MEMO1: variants seen among roughly 807,000 people sequenced by gnomAD.
MEMO1 encodes the protein mediator of cell motility 1.
MEMO1 carries 6 observed loss-of-function variants against 45.2 expected under a neutral mutation model. The observed-to-expected ratio is 0.13, with a 90% CI of 0.07 to 0.26. The LOEUF (loss-of-function observed/expected upper bound fraction) is 0.26. Ranked by LOEUF, MEMO1 falls within the 10% of genes least tolerant of loss-of-function variation. The probability of loss-of-function intolerance (pLI) is 1.00; values close to 1 mark genes in which losing one functional copy is unlikely to be tolerated. For missense variants in MEMO1, 184 were observed against 370.5 expected (o/e 0.50, Z 4.13); for synonymous variants, 78 against 124.3 (o/e 0.63, Z 2.48).
rs1673149185 is a variant in MEMO1 at position 31,868,279 on chromosome 2, A to G, written c.*82T>C. On this transcript the variant is annotated 3_prime_UTR_variant, in exon 10 of 10. Coordinates refer to ENST00000404530, the MANE Select transcript of MEMO1 (RefSeq NM_001301833.4). ...GGTTTCAGAATCCCCCCAAACCAGG[A>G]CCAGTATCGTGGTAAAGGCTAGGCT... The G allele has an allele frequency of 1.5e-6, 2 of 1,333,280 alleles. No homozygotes were observed. Among genetic ancestry groups the G allele is most frequent in the Non-Finnish European group, 1.9e-6 (2 of 1,034,312 alleles). The allele number at this position is 1,333,280 out of a possible 1,614,324, so 82.6% of individuals were successfully genotyped here.
chr2:31,910,920 AAGAC>A (rs954468542), intron 6 of MEMO1, among the ~76,000 whole-genome samples: 23 of 152,244 alleles, frequency 1.5e-4, no homozygotes, highest in African/African-American at 5.3e-4. Flanking sequence ...CAAAAACTAA[AAGAC>A]AGTAATAAAA....
chr2:31,884,541 T>G (rs373289240), intron 7 of MEMO1, among the ~76,000 whole-genome samples: 1 of 152,192 alleles, frequency 6.6e-6, no homozygotes, highest in African/African-American at 2.4e-5. Context: ...TTAAGTTTTC[T>G]GTTCATCTTA....
intron 1 of MEMO1, among the ~76,000 whole-genome samples, chr2:32,010,708 A>G (rs897835913): frequency 1.6e-5 from 1 of 63,694 alleles, no homozygotes; most frequent in African/African-American, 5.9e-5. Flanking sequence ...CCCCGCACCC[A>G]CCCCCACCCC....
rs558407669 is a variant in MEMO1 at position 31,972,348 on chromosome 2, A to C, written c.62-28965T>G. Among the ~76,000 whole-genome samples the C allele has an allele frequency of 2.1e-4, 32 of 152,362 alleles. 1 individual carries two copies. Among genetic ancestry groups the C allele is most frequent in the Middle Eastern group, 6.8e-3 (2 of 294 alleles). ...TTAAGAAATGATATAACAACAACAA[A>C]AAATTAAAAGCTCTACTTAAAAGCC... is the stretch of plus-strand genomic sequence containing the variant. On this transcript the variant is annotated intron_variant, in intron 2 of 9. Coordinates refer to ENST00000404530, the MANE Select transcript of MEMO1 (RefSeq NM_001301833.4).
chr2:31,955,665 A>C (rs980979565), intron 2 of MEMO1, among the ~76,000 whole-genome samples: 8 of 151,728 alleles, frequency 5.3e-5, no homozygotes, highest in Admixed American at 3.9e-4. Flanking sequence ...CTGGAGTGCA[A>C]TGGGGCGATC....
intron 2 of MEMO1, among the ~76,000 whole-genome samples, chr2:31,987,283 G>C (rs1365244091): frequency 6.6e-6 from 1 of 152,134 alleles, no homozygotes; most frequent in Non-Finnish European, 1.5e-5. Context: ...ACAGGTGTGA[G>C]CCACCTTGCC....
At chr2:31,923,652 T>G in intron 4 of MEMO1, 1 of 1,547,428 alleles carries the variant, frequency 6.5e-7, no homozygotes, top group Non-Finnish European at 8.7e-7. Context: ...AATCAAATAA[T>G]GAGAAAGGGC....
At chr2:31,973,100 G>C (rs1290247053) in intron 2 of MEMO1, among the ~76,000 whole-genome samples, 1 of 152,252 alleles carries the variant, frequency 6.6e-6, no homozygotes, top group East Asian at 1.9e-4. Context: ...AGTTCCTAAA[G>C]ATGTTGAACA....
intron 2 of MEMO1, among the ~76,000 whole-genome samples, chr2:31,948,382 C>A (rs1466988881): frequency 6.6e-6 from 1 of 152,148 alleles, no homozygotes; most frequent in African/African-American, 2.4e-5. Flanking sequence ...ACAATAAACT[C>A]AATCCCACAT....
At chr2:32,010,775 G>C (rs1432422038) in intron 1 of MEMO1, among the ~76,000 whole-genome samples, 167 bp downstream of exon 1, 1 of 146,630 alleles carries the variant, frequency 6.8e-6, no homozygotes, top group Non-Finnish European at 1.5e-5. Flanking sequence ...TCCTCCTCCC[G>C]GCCGCGCGGC....
At chr2:31,926,988 G>C (rs1039899157) in intron 4 of MEMO1, among the ~76,000 whole-genome samples, 1 of 152,116 alleles carries the variant, frequency 6.6e-6, no homozygotes, top group Non-Finnish European at 1.5e-5. Flanking sequence ...AATTATGCCA[G>C]GGTAAAAGAG....
chr2:31,905,255 T>A (rs191725216), intron 6 of MEMO1, among the ~76,000 whole-genome samples: 7 of 150,790 alleles, frequency 4.6e-5, no homozygotes, highest in African/African-American at 1.5e-4. Flanking sequence ...CAAAAAAAGA[T>A]CCAGAAAACA....
At chr2:31,943,424 T>G in intron 2 of MEMO1, 41 bp from the exon 3 acceptor site, 3 of 1,409,496 alleles carry the variant, frequency 2.1e-6, no homozygotes, top group South Asian at 2.3e-5. Context: ...AGCAAAGCAA[T>G]GTACTACAGA....
intron 2 of MEMO1, among the ~76,000 whole-genome samples, chr2:31,991,338 G>A (rs1173759125): frequency 3.3e-5 from 5 of 152,094 alleles, no homozygotes; most frequent in Admixed American, 2.0e-4. Flanking sequence ...TTTGGGAGCC[G>A]AGGTGGGAGG....
chr2:31,875,811 C>T (rs1401005094), intron 8 of MEMO1, among the ~76,000 whole-genome samples: 9 of 152,048 alleles, frequency 5.9e-5, no homozygotes, highest in African/African-American at 2.2e-4. Flanking sequence ...CTCAGCCTCC[C>T]GAGTAGCTGG....
At chr2:31,896,795 A>G (rs1212932697) in intron 6 of MEMO1, among the ~76,000 whole-genome samples, 1 of 152,248 alleles carries the variant, frequency 6.6e-6, no homozygotes, top group African/African-American at 2.4e-5. Context: ...AAATACTCTT[A>G]TAACTCAATA....
chr2:31,933,397 A>AG (rs1553369140), intron 3 of MEMO1, among the ~76,000 whole-genome samples: 2 of 133,986 alleles, frequency 1.5e-5, no homozygotes, highest in Non-Finnish European at 3.2e-5. Context: ...AGGGGAAGAG[A>AG]GGGGAAAAAG....
In MEMO1 at chr2:31,868,503, G is replaced by A. The variant is rs767840442; in HGVS notation, c.763-11C>T. The A allele has an allele frequency of 1.3e-5, 20 of 1,589,104 alleles. No homozygotes were observed. Among genetic ancestry groups the A allele is most frequent in the Admixed American group, 5.4e-5 (3 of 55,588 alleles). On this transcript the variant is annotated splice_polypyrimidine_tract_variant and intron_variant, in intron 9 of 9. Coordinates refer to ENST00000404530, the MANE Select transcript of MEMO1 (RefSeq NM_001301833.4). ...GAGCTCTGTGATAGCCTAGAAAAAA[G>A]AAAAATTTGGTTAGGACACACATCA... is the stretch of plus-strand genomic sequence containing the variant.
intron 2 of MEMO1, among the ~76,000 whole-genome samples, chr2:31,965,285 A>AAGG (rs1383392282): frequency 9.5e-6 from 1 of 105,452 alleles, no homozygotes; most frequent in Non-Finnish European, 2.1e-5. Flanking sequence ...AAGAGAAGGG[A>AAGG]AGGGAAGAAG....
Sources: allele counts gnomAD v4.1 joint callset (sites outside exome capture counted in the v4.1 genomes callset), GRCh38; gene constraint gnomAD v4.1.1; transcripts MANE v1.5; gene names NCBI Gene and HGNC (gene_info 2026-07-23, HGNC 2026-07-21).